ADAT2: variants seen among roughly 807,000 people sequenced by gnomAD.
The protein encoded by ADAT2 is adenosine deaminase tRNA specific 2.
ADAT2 carries 26 observed loss-of-function variants against 25.9 expected under a neutral mutation model. That is an observed-to-expected ratio of 1.00 (90% CI 0.74 to 1.39). The LOEUF (loss-of-function observed/expected upper bound fraction) is 1.39, where lower values mean the gene tolerates loss of function less well. ADAT2 is among the 40% of genes most tolerant of loss of function. The pLI, the probability that ADAT2 is intolerant of heterozygous loss-of-function variation, is 0.00. For synonymous variants in ADAT2, 76 were observed against 86.8 expected (o/e 0.88, Z 0.69); for missense variants, 220 against 244.8 (o/e 0.90, Z 0.68).
At position 143,425,351 on chromosome 6, in the gene ADAT2, CAAAA is replaced by C. The variant is rs775768101; in HGVS notation, c.*3108_*3111del. On this transcript the variant is annotated 3_prime_UTR_variant, in exon 6 of 6. Coordinates refer to ENST00000237283, the MANE Select transcript of ADAT2 (RefSeq NM_182503.3). ...GCAACATAGTGAGACCTTGTCTCTA[CAAAA>C]AAAAAAAAAAAAAAAAATTAGGTGT... is the stretch of plus-strand genomic sequence containing the variant. 13 of 92,226 alleles carry C rather than the reference CAAAA, an allele frequency of 1.4e-4. No individual in the cohort carries two copies. Among genetic ancestry groups the C allele is most frequent in the East Asian group, 9.4e-4 (2 of 2,130 alleles). 5.7% of individuals were successfully genotyped at this position (92,226 alleles called of 1,614,324 possible). A position where few individuals can be genotyped will look rare whatever the true frequency, so the allele number is the denominator to read the frequency against.
rs1391175777 is a variant in ADAT2 at position 143,426,337 on chromosome 6, T to A, written c.*2126A>T. 1 of 152,220 alleles carries A rather than the reference T, an allele frequency of 6.6e-6. No homozygotes were observed. Among genetic ancestry groups the A allele is most frequent in the Non-Finnish European group, 1.5e-5 (1 of 68,054 alleles). The allele number at this position is 152,220 out of a possible 1,614,324, so 9.4% of individuals were successfully genotyped here. The stretch of plus-strand genomic sequence containing the variant: ...CTTGGAAATTGCTAGCAGAATTCCA[T>A]AGAGCTAATGTCTATGACACCCTCA... On this transcript the variant is annotated 3_prime_UTR_variant, in exon 6 of 6. Transcript: ENST00000237283. The surrounding 1 kb of genome is among the most constrained non-coding windows in gnomAD (Gnocchi z 4.1).
In ADAT2 at chr6:143,431,506, A is replaced by T. The variant is rs114890054; in HGVS notation, c.459+999T>A. On this transcript the variant is annotated intron_variant, in intron 4 of 5. Transcript: ENST00000237283. ...AATCACTTTCTAAATGTCTTTAATG[A>T]TCAAACCAATTGTATCCTTTACTCT... Among the ~76,000 whole-genome samples, 535 of 152,370 alleles carry T rather than the reference A, an allele frequency of 3.5e-3. 6 individuals are homozygous for T. Among genetic ancestry groups the T allele is most frequent in the African/African-American group, 0.012 (511 of 41,590 alleles).
chr6:143,444,733 A>C lies in ADAT2; in HGVS notation c.96+5830T>G. On this transcript the variant is annotated intron_variant, in intron 1 of 5. Coordinates refer to ENST00000237283, the MANE Select transcript of ADAT2 (RefSeq NM_182503.3). This position sits in a 1 kb window ranked among gnomAD's most constrained non-coding sequence, Gnocchi z 4.3. ...AAAGAATAAAATCTCTGTTCTTCCC[A>C]GCCCAAACACTGGTCTCTATTTTGT... The C allele has an allele frequency of 5.4e-6, 1 of 183,874 alleles. No individual in the cohort carries two copies. Among genetic ancestry groups the C allele is most frequent in the East Asian group, 1.7e-4 (1 of 5,808 alleles). 11.4% of individuals were successfully genotyped at this position (183,874 alleles called of 1,614,324 possible). A position where few individuals can be genotyped will look rare whatever the true frequency, so the allele number is the denominator to read the frequency against.
rs144716211 is a variant in ADAT2 at position 143,431,395 on chromosome 6, T to C, written c.459+1110A>G. ...TGAAAAATTATTTAGATCATTCTCA[T>C]AAAGGAAATATGGAGTCAGCAATTC... On this transcript the variant is annotated intron_variant, in intron 4 of 5. Transcript: ENST00000237283. 1.7e-3 allele frequency among the ~76,000 whole-genome samples: 252 copies of C among 152,334 alleles called. 1 individual carries two copies. The highest frequency in any genetic ancestry group is 6.8e-3 in the South Asian group (33 of 4,830).
rs68003531 is a variant in ADAT2 at position 143,427,096 on chromosome 6, AACACAC to A, written c.*1361_*1366del. The A allele has an allele frequency of 4.6e-3, 640 of 140,278 alleles. 12 individuals carry two copies. The highest frequency in any genetic ancestry group is 0.016 in the African/African-American group (599 of 37,814). The allele number at this position is 140,278 out of a possible 1,614,324, so 8.7% of individuals were successfully genotyped here. A position where few individuals can be genotyped will look rare whatever the true frequency, so the allele number is the denominator to read the frequency against. On this transcript the variant is annotated 3_prime_UTR_variant, in exon 6 of 6. Transcript: ENST00000237283. ...CCATAAAACTTTTCAAATGCAGTTA[AACACAC>A]ACACACACACACACACACACACACA...
rs1779487091 is a variant in ADAT2, at chr6:143,442,460, A to G, written c.97-3766T>C. 7.1e-6 allele frequency among the ~76,000 whole-genome samples: 1 copy of G among 140,126 alleles called. No individual in the cohort carries two copies. The allele number at this position is 140,126 out of a possible 152,430, so 91.9% of individuals were successfully genotyped here. ...GTTATACAAAGCTAAACATGACAAA[A>G]TTGCATAGGCACGCATACACACACA... On this transcript the variant is annotated intron_variant, in intron 1 of 5. Coordinates refer to ENST00000237283, the MANE Select transcript of ADAT2 (RefSeq NM_182503.3). The surrounding 1 kb of genome is among the most constrained non-coding windows in gnomAD (Gnocchi z 4.6).
intron 4 of ADAT2, among the ~76,000 whole-genome samples, chr6:143,431,565 ATG>A (rs1311313193): frequency 6.6e-6 from 1 of 152,198 alleles, no homozygotes; most frequent in East Asian, 1.9e-4. Context: ...TTCTGATGTA[ATG>A]TTAAACAGCA....
At chr6:143,445,011 G>T (rs1402259745) in intron 1 of ADAT2, 1 of 1,237,074 alleles carries the variant, frequency 8.1e-7, no homozygotes, top group Admixed American at 2.3e-5. Flanking sequence ...AAGTTAGCCA[G>T]AACTCTCAGG....
intron 1 of ADAT2, among the ~76,000 whole-genome samples, chr6:143,443,234 T>C (rs1365882840): frequency 6.6e-6 from 1 of 152,132 alleles, no homozygotes; most frequent in Non-Finnish European, 1.5e-5. Context: ...CTCCACTTAT[T>C]CATTTGTTCA....
Position 143,428,804 on chromosome 6 carries a change from G to A in ADAT2, c.460-120C>T, listed in dbSNP as rs1779019576. On this transcript the variant is annotated intron_variant, in intron 4 of 5. Transcript: ENST00000237283. This position sits in a 1 kb window ranked among gnomAD's most constrained non-coding sequence, Gnocchi z 5.0. ...AGATTTCAGATGTTAATAAACTTTG[G>A]GGATATTAGTAACATGGGTAAGGAG... 7.5e-6 allele frequency: 7 copies of A among 936,694 alleles called. No individual in the cohort carries two copies. The highest frequency in any genetic ancestry group is 6.3e-6 in the Non-Finnish European group (4 of 630,240). 58.0% of individuals were successfully genotyped at this position (936,694 alleles called of 1,614,324 possible). A position where few individuals can be genotyped will look rare whatever the true frequency, so the allele number is the denominator to read the frequency against.
intron 1 of ADAT2, among the ~76,000 whole-genome samples, chr6:143,443,810 G>A (rs1048024740): frequency 1.2e-4 from 17 of 146,726 alleles, no homozygotes; most frequent in Non-Finnish European, 2.1e-4. Context: ...CAGCCTGGGC[G>A]ACAAAGTGAA....
In ADAT2 at chr6:143,434,398, C is replaced by T. The variant is rs1252359502; in HGVS notation, c.202-417G>A. Among the ~76,000 whole-genome samples, 1 of 152,226 alleles carries T rather than the reference C, an allele frequency of 6.6e-6. No individual in the cohort carries two copies. Among genetic ancestry groups the T allele is most frequent in the South Asian group, 2.1e-4 (1 of 4,834 alleles). On this transcript the variant is annotated intron_variant, in intron 2 of 5. Transcript: ENST00000237283. The surrounding 1 kb of genome is among the most constrained non-coding windows in gnomAD (Gnocchi z 4.5). ...TTCAAGGCTGTCACTGACCTCACTC[C>T]AAGCAAATCTACATTAAGTTCACTG... is the stretch of plus-strand genomic sequence containing the variant.
At position 143,434,271 on chromosome 6, in the gene ADAT2, G is replaced by T. The variant is rs9496634; in HGVS notation, c.202-290C>A. ...TTTCAATTAAAATGCCATGGAGAAGGTAAGTCTAAAAAACAAAGAAAAAAA... is the reference window on the plus strand; with the variant it reads ...TTTCAATTAAAATGCCATGGAGAAGTTAAGTCTAAAAAACAAAGAAAAAAA... On this transcript the variant is annotated intron_variant, in intron 2 of 5. Transcript: ENST00000237283. This position sits in a 1 kb window ranked among gnomAD's most constrained non-coding sequence, Gnocchi z 4.5. Among the ~76,000 whole-genome samples the T allele has an allele frequency of 0.28, 42,839 of 152,000 alleles. 6,290 individuals are homozygous for T. Among genetic ancestry groups the T allele is most frequent in the Admixed American group, 0.32 (4,890 of 15,264 alleles).
intron 1 of ADAT2, among the ~76,000 whole-genome samples, chr6:143,439,039 G>T (rs1779378730): frequency 1.3e-5 from 2 of 152,094 alleles, no homozygotes; most frequent in South Asian, 4.1e-4. Flanking sequence ...TTTGCAAAAA[G>T]GTAGGGGACT....
At chr6:143,449,426 T>C (rs1779691146) in intron 1 of ADAT2, among the ~76,000 whole-genome samples, 1 of 152,242 alleles carries the variant, frequency 6.6e-6, no homozygotes, top group Admixed American at 6.5e-5. Context: ...TGACATTTTT[T>C]GTCTCTTAAT....
chr6:143,428,346 T>C lies in ADAT2; in HGVS notation c.*117A>G. 7.6e-6 allele frequency: 9 copies of C among 1,181,562 alleles called. No individual in the cohort carries two copies. The highest frequency in any genetic ancestry group is 9.5e-6 in the Non-Finnish European group (8 of 838,620). 73.2% of individuals were successfully genotyped at this position (1,181,562 alleles called of 1,614,324 possible). On this transcript the variant is annotated 3_prime_UTR_variant, in exon 6 of 6. Coordinates refer to ENST00000237283, the MANE Select transcript of ADAT2 (RefSeq NM_182503.3). The surrounding 1 kb of genome is among the most constrained non-coding windows in gnomAD (Gnocchi z 5.0). Reference sequence around the variant, plus strand: ...ACAGAGCAAATGATGAGAGACACCATTTTCCTGCAGATTAAAAACAATATA... The same window carrying C: ...ACAGAGCAAATGATGAGAGACACCACTTTCCTGCAGATTAAAAACAATATA...
At chr6:143,435,620 G>T (rs1015185410) in intron 2 of ADAT2, among the ~76,000 whole-genome samples, 1 of 152,078 alleles carries the variant, frequency 6.6e-6, no homozygotes, top group Non-Finnish European at 1.5e-5. Flanking sequence ...ATTTGACCAC[G>T]ATTTAAAATA....
In ADAT2 at chr6:143,426,497, T is replaced by C. The variant is rs1265436570; in HGVS notation, c.*1966A>G. 6.6e-6 allele frequency: 1 copy of C among 152,198 alleles called. No homozygotes were observed. Among genetic ancestry groups the C allele is most frequent in the Non-Finnish European group, 1.5e-5 (1 of 68,030 alleles). 9.4% of individuals were successfully genotyped at this position (152,198 alleles called of 1,614,324 possible). A position where few individuals can be genotyped will look rare whatever the true frequency, so the allele number is the denominator to read the frequency against. On this transcript the variant is annotated 3_prime_UTR_variant, in exon 6 of 6. Transcript: ENST00000237283. The surrounding 1 kb of genome is among the most constrained non-coding windows in gnomAD (Gnocchi z 4.1). ...ATTACTGAAGAGGGAACCAAAAAGA[T>C]GGTAAACCACAATTAAATTGTTCAG...
rs1439825394 is a variant in ADAT2 at position 143,432,168 on chromosome 6, T to A, written c.459+337A>T. Among the ~76,000 whole-genome samples the A allele has an allele frequency of 6.6e-6, 1 of 152,208 alleles. No homozygotes were observed. The highest frequency in any genetic ancestry group is 1.5e-5 in the Non-Finnish European group (1 of 68,040). The stretch of plus-strand genomic sequence containing the variant: ...AAGCATCACCAAACTTGGTAGAGCA[T>A]AGAGCTGGTAACGTTCATTGAATAA... On this transcript the variant is annotated intron_variant, in intron 4 of 5. Transcript: ENST00000237283. The surrounding 1 kb of genome is among the most constrained non-coding windows in gnomAD (Gnocchi z 4.4).
Sources: allele counts gnomAD v4.1 joint callset (sites outside exome capture counted in the v4.1 genomes callset), GRCh38; gene constraint gnomAD v4.1.1; non-coding constraint Gnocchi (gnomAD v3.1); transcripts MANE v1.5; gene names NCBI Gene and HGNC (gene_info 2026-07-23, HGNC 2026-07-21).